RERE: variants seen among roughly 807,000 people sequenced by gnomAD.
The protein encoded by RERE is arginine-glutamic acid dipeptide repeats protein.
A neutral mutation model predicts 146.1 loss-of-function variants in RERE; 40 were observed. The ratio of observed to expected loss-of-function variants is 0.27; its 90% CI spans 0.21 to 0.36. The LOEUF is 0.36. Ranked by LOEUF, RERE falls within the 10% of genes least tolerant of loss-of-function variation. The probability of loss-of-function intolerance (pLI) is 1.00; values close to 1 mark genes in which losing one functional copy is unlikely to be tolerated. For missense variants in RERE, 1,933 were observed against 2,138.7 expected (o/e 0.90, Z 1.90); for synonymous variants, 1,003 against 866.0 (o/e 1.16, Z -2.78).
chr1:8,660,445 T>C (rs1295886060), intron 1 of RERE, among the ~76,000 whole-genome samples: 1 of 152,242 alleles, frequency 6.6e-6, no homozygotes, highest in East Asian at 1.9e-4. Context: ...AAGTCCCTCA[T>C]TTGATTCTTC....
chr1:8,445,702 G>A (rs746801301), intron 11 of RERE, among the ~76,000 whole-genome samples: 28 of 151,416 alleles, frequency 1.8e-4, no homozygotes, highest in Non-Finnish European at 2.8e-4. Context: ...TTTTATGTTC[G>A]GGGATACATG....
chr1:8,775,451 G>T lies in RERE; in HGVS notation c.-145+41709C>A, dbSNP rs373166819. ...AAATAAAAATTAGCCAGATGTGGTGGCACGCACCTGTAGTCCCAGCTACTC... is the reference window on the plus strand; with the variant it reads ...AAATAAAAATTAGCCAGATGTGGTGTCACGCACCTGTAGTCCCAGCTACTC... On this transcript the variant is annotated intron_variant, in intron 1 of 22. Coordinates refer to ENST00000400908, the MANE Select transcript of RERE (RefSeq NM_001042681.2). Among the ~76,000 whole-genome samples, 5 of 152,128 alleles carry T rather than the reference G, an allele frequency of 3.3e-5. No homozygotes were observed. The East Asian group carries it at 5.8e-4, about 18-fold the overall frequency.
chr1:8,522,860 C>T (rs1645520869), intron 7 of RERE, among the ~76,000 whole-genome samples: 1 of 146,602 alleles, frequency 6.8e-6, no homozygotes, highest in Non-Finnish European at 1.5e-5. Flanking sequence ...GCAACAAGAG[C>T]GAGACTCCGT....
chr1:8,537,944 T>C (rs989305833), intron 7 of RERE, among the ~76,000 whole-genome samples: 2 of 152,242 alleles, frequency 1.3e-5, no homozygotes, highest in African/African-American at 2.4e-5. Flanking sequence ...AAAATTTCAG[T>C]GCTGTTCAAT....
intron 7 of RERE, among the ~76,000 whole-genome samples, chr1:8,528,296 A>G (rs1371199255): frequency 2.0e-5 from 3 of 152,246 alleles, no homozygotes; most frequent in Non-Finnish European, 4.4e-5. Context: ...GACAAGGGAT[A>G]TTAAAGAGAC....
chr1:8,541,366 G>A, intron 6 of RERE, 48 bp from the exon 7 acceptor site: 1 of 1,223,600 alleles, frequency 8.2e-7, no homozygotes, highest in Non-Finnish European at 1.2e-6. Flanking sequence ...AACTGCTTTT[G>A]CTAACCAAAA....
chr1:8,464,348 T>C (rs902966463), intron 11 of RERE, among the ~76,000 whole-genome samples: 6 of 152,140 alleles, frequency 3.9e-5, no homozygotes, highest in African/African-American at 1.2e-4. Flanking sequence ...CTCTTTTCTC[T>C]ACCTTCAAGG....
chr1:8,511,515 C>T (rs907756180), intron 7 of RERE, among the ~76,000 whole-genome samples: 3 of 152,146 alleles, frequency 2.0e-5, no homozygotes, highest in Non-Finnish European at 4.4e-5. Flanking sequence ...GCAAGAGTTA[C>T]AGAATATAGA....
intron 8 of RERE, among the ~76,000 whole-genome samples, chr1:8,502,836 A>C (rs1353176079): frequency 4.0e-5 from 6 of 148,608 alleles, no homozygotes; most frequent in Non-Finnish European, 4.5e-5. Context: ...CTCAGGGTTA[A>C]ATGGATTAAG....
chr1:8,563,820 C>A (rs931426852), intron 4 of RERE, among the ~76,000 whole-genome samples: 2 of 152,172 alleles, frequency 1.3e-5, no homozygotes, highest in Non-Finnish European at 2.9e-5. Flanking sequence ...TAAAAAGATA[C>A]TTTCTGAAGA....
chr1:8,598,587 C>T (rs537945386), intron 4 of RERE, among the ~76,000 whole-genome samples: 2 of 152,214 alleles, frequency 1.3e-5, no homozygotes, highest in African/African-American at 2.4e-5. Flanking sequence ...ATTCCACACA[C>T]AGAAACCACA....
chr1:8,637,916 G>A (rs75029393), intron 2 of RERE, among the ~76,000 whole-genome samples: 218 of 152,312 alleles, frequency 1.4e-3, no homozygotes, highest in African/African-American at 5.0e-3. Context: ...TTAGGAAAGT[G>A]AGCTGAAATA....
Position 8,607,528 on chromosome 1 carries a change from A to ATTTTTT in RERE, c.522+7032_522+7033insAAAAAA, listed in dbSNP as rs1557431314. Among the ~76,000 whole-genome samples, 6 of 77,022 alleles carry ATTTTTT rather than the reference A, an allele frequency of 7.8e-5. No individual in the cohort carries two copies. The East Asian group carries it at 4.5e-3, about 57-fold the overall frequency. The allele number at this position is 77,022 out of a possible 152,430, so 50.5% of individuals were successfully genotyped here. A position where few individuals can be genotyped will look rare whatever the true frequency, so the allele number is the denominator to read the frequency against. On this transcript the variant is annotated intron_variant, in intron 4 of 22. Transcript: ENST00000400908. ...AAGCCCCGCATATTTGTTTTTATAT[A>ATTTTTT]TATTTCTTTTTTTTTTTTTTTTTTT...
intron 4 of RERE, among the ~76,000 whole-genome samples, chr1:8,591,479 C>T (rs1646493021): frequency 6.6e-6 from 1 of 151,416 alleles, no homozygotes; most frequent in East Asian, 1.9e-4. Flanking sequence ...AGATGAAAAT[C>T]CAAGTATCAT....
At chr1:8,590,518 AG>A (rs1345528137) in intron 4 of RERE, among the ~76,000 whole-genome samples, 1 of 152,198 alleles carries the variant, frequency 6.6e-6, no homozygotes, top group Non-Finnish European at 1.5e-5. Context: ...GCTGAAGGCC[AG>A]AGATGCCCTG....
At chr1:8,379,733 C>G (rs1642379660) in intron 12 of RERE, among the ~76,000 whole-genome samples, 1 of 152,170 alleles carries the variant, frequency 6.6e-6, no homozygotes, top group Admixed American at 6.5e-5. Flanking sequence ...TCTAGAGACT[C>G]TAGGAAACCG....
chr1:8,470,545 G>A lies in RERE; in HGVS notation c.1105-4522C>T, dbSNP rs1206599478. 3.3e-5 allele frequency among the ~76,000 whole-genome samples: 5 copies of A among 152,104 alleles called. No homozygotes were observed. In the South Asian group the frequency reaches 6.2e-4, roughly 19 times the overall value. On this transcript the variant is annotated intron_variant, in intron 10 of 22. Coordinates refer to ENST00000400908, the MANE Select transcript of RERE (RefSeq NM_001042681.2). ...TGGGATTACAGGCATGAGTCACCACGCCCAGCCCCAAAGAGATATTTCTTG... is the reference window on the plus strand; with the variant it reads ...TGGGATTACAGGCATGAGTCACCACACCCAGCCCCAAAGAGATATTTCTTG...
At chr1:8,442,688 T>C (rs1255310410) in intron 11 of RERE, among the ~76,000 whole-genome samples, 1 of 151,992 alleles carries the variant, frequency 6.6e-6, no homozygotes, top group Admixed American at 6.6e-5. Flanking sequence ...CACCTGAAAA[T>C]ATGGAAGCAG....
intron 4 of RERE, among the ~76,000 whole-genome samples, chr1:8,609,557 C>T (rs1369757234): frequency 6.6e-6 from 1 of 152,072 alleles, no homozygotes; most frequent in Non-Finnish European, 1.5e-5. Context: ...TTATTTTTGG[C>T]ATACTTAATG....
Sources: allele counts gnomAD v4.1 joint callset (sites outside exome capture counted in the v4.1 genomes callset), GRCh38; gene constraint gnomAD v4.1.1; transcripts MANE v1.5; gene names NCBI Gene and HGNC (gene_info 2026-07-23, HGNC 2026-07-21).